The following WDR70 variants were observed in gnomAD, a reference collection of about 807,000 sequenced individuals.
The protein encoded by WDR70 is WD repeat domain 70, also known as WD repeat-containing protein 70.
A neutral mutation model predicts 88.6 loss-of-function variants in WDR70; 53 were observed. That is an observed-to-expected ratio of 0.60 (90% CI 0.48 to 0.75). WDR70 has a LOEUF of 0.75. Ranked by LOEUF, WDR70 falls within the 30% of genes least tolerant of loss-of-function variation. WDR70 has a pLI of 0.00. For missense variants in WDR70, 610 were observed against 823.2 expected (o/e 0.74, Z 3.17); for synonymous variants, 280 against 270.0 (o/e 1.04, Z -0.36).
At chr5:37,596,716 A>G (rs962651336) in intron 9 of WDR70, among the ~76,000 whole-genome samples, 1 of 152,228 alleles carries the variant, frequency 6.6e-6, no homozygotes, top group African/African-American at 2.4e-5. Flanking sequence ...TCACATATAT[A>G]TGTATATTGC....
intron 10 of WDR70, among the ~76,000 whole-genome samples, chr5:37,676,735 G>T (rs2112606205): frequency 6.6e-6 from 1 of 151,646 alleles, no homozygotes; most frequent in South Asian, 2.1e-4. Flanking sequence ...GTATCAGGAT[G>T]ATGCTGGCCT....
chr5:37,548,653 T>A (rs1440507101), intron 9 of WDR70, among the ~76,000 whole-genome samples: 1 of 152,124 alleles, frequency 6.6e-6, no homozygotes, highest in Non-Finnish European at 1.5e-5. Context: ...TTGATATGAT[T>A]CCATTTCTTC....
At chr5:37,476,555 C>CTT (rs70978822) in intron 7 of WDR70, among the ~76,000 whole-genome samples, 89 of 147,776 alleles carry the variant, frequency 6.0e-4, no homozygotes, top group East Asian at 9.9e-4. Context: ...TTTTCTTCTT[C>CTT]TTTTTTTTTT....
intron 9 of WDR70, among the ~76,000 whole-genome samples, chr5:37,567,222 C>T (rs1049416432): frequency 3.9e-5 from 6 of 152,268 alleles, no homozygotes; most frequent in African/African-American, 1.4e-4. Context: ...ACATAGTCAT[C>T]ACACCACAAC....
chr5:37,531,986 A>C (rs1375459202), intron 9 of WDR70, among the ~76,000 whole-genome samples: 1 of 152,250 alleles, frequency 6.6e-6, no homozygotes. Context: ...TTTTTTATCT[A>C]GAAAAGACTG....
chr5:37,450,626 A>C (rs1738646151), intron 7 of WDR70, among the ~76,000 whole-genome samples: 1 of 152,168 alleles, frequency 6.6e-6, no homozygotes, highest in Non-Finnish European at 1.5e-5. Context: ...AGAATTGTTA[A>C]TTGTACCTGT....
intron 7 of WDR70, among the ~76,000 whole-genome samples, chr5:37,446,163 A>G (rs974223848): frequency 2.0e-5 from 3 of 152,202 alleles, no homozygotes; most frequent in South Asian, 4.1e-4. Flanking sequence ...ACAGAGAACC[A>G]AATCACGAGT....
At chr5:37,385,882 C>T (rs796285643) in intron 3 of WDR70, among the ~76,000 whole-genome samples, 2 of 152,168 alleles carry the variant, frequency 1.3e-5, no homozygotes, top group African/African-American at 4.8e-5. Flanking sequence ...CGACTCACTG[C>T]AAGCTCCGCC....
chr5:37,440,796 ATCTT>A (rs1414076933), intron 6 of WDR70, among the ~76,000 whole-genome samples: 3 of 152,206 alleles, frequency 2.0e-5, no homozygotes, highest in Admixed American at 2.0e-4. Flanking sequence ...TTAATTTGTC[ATCTT>A]TCTTCTTAGG....
chr5:37,730,299 C>G (rs1561095275), intron 17 of WDR70, among the ~76,000 whole-genome samples: 1 of 151,990 alleles, frequency 6.6e-6, no homozygotes, highest in Non-Finnish European at 1.5e-5. Flanking sequence ...ATGTCAGCAA[C>G]TTTTTTTGTT....
intron 7 of WDR70, among the ~76,000 whole-genome samples, chr5:37,446,305 G>T (rs539453576): frequency 6.6e-6 from 1 of 152,260 alleles, no homozygotes; most frequent in African/African-American, 2.4e-5. Context: ...CAAAGAAATG[G>T]AAGAACATTC....
intron 10 of WDR70, among the ~76,000 whole-genome samples, chr5:37,607,916 G>A (rs1744076718): frequency 6.6e-6 from 1 of 152,164 alleles, no homozygotes; most frequent in South Asian, 2.1e-4. Flanking sequence ...GCAACAGCAA[G>A]GCATCTATTG....
chr5:37,583,482 C>A lies in WDR70; in HGVS notation c.918-21582C>A, dbSNP rs1036418357. ...GAGGGAAACATGCCTGGCTTATGAACAAATGTGTCACAGATATGGGGGGAG... is the reference window on the plus strand; with the variant it reads ...GAGGGAAACATGCCTGGCTTATGAAAAAATGTGTCACAGATATGGGGGGAG... On this transcript the variant is annotated intron_variant, in intron 9 of 17. Coordinates refer to ENST00000265107, the MANE Select transcript of WDR70 (RefSeq NM_018034.4). 2.0e-5 allele frequency among the ~76,000 whole-genome samples: 3 copies of A among 149,954 alleles called. 1 individual carries two copies. Among genetic ancestry groups the A allele is most frequent in the Non-Finnish European group, 4.4e-5 (3 of 67,660 alleles).
intron 10 of WDR70, among the ~76,000 whole-genome samples, chr5:37,692,647 C>T (rs1746836291): frequency 6.6e-6 from 1 of 152,110 alleles, no homozygotes; most frequent in Non-Finnish European, 1.5e-5. Flanking sequence ...CAGAAAAGGT[C>T]TTCAACAAAA....
chr5:37,520,850 C>T (rs1210701263), intron 9 of WDR70, among the ~76,000 whole-genome samples: 2 of 152,128 alleles, frequency 1.3e-5, no homozygotes, highest in Admixed American at 1.3e-4. Flanking sequence ...AAGCTACTTG[C>T]GTTTAAATAG....
chr5:37,568,669 T>A (rs1742814468), intron 9 of WDR70, among the ~76,000 whole-genome samples: 1 of 152,230 alleles, frequency 6.6e-6, no homozygotes, highest in Non-Finnish European at 1.5e-5. Flanking sequence ...ATATCTTATA[T>A]GGAATTGTAC....
chr5:37,717,658 A>G (rs1747689089), intron 13 of WDR70, among the ~76,000 whole-genome samples: 1 of 152,174 alleles, frequency 6.6e-6, no homozygotes, highest in Non-Finnish European at 1.5e-5. Context: ...ATTGTTGTTA[A>G]GCAAAGCCGG....
rs565462728 is a variant in WDR70, at chr5:37,484,567, G to A, written c.840+4580G>A. ...GTGGAAAGAGAGGGAGAGGGAGACCGTGGGGAGAGGGAGAGGGAGAGGGAG... is the reference window on the plus strand; with the variant it reads ...GTGGAAAGAGAGGGAGAGGGAGACCATGGGGAGAGGGAGAGGGAGAGGGAG... On this transcript the variant is annotated intron_variant, in intron 8 of 17. Transcript: ENST00000265107. Among the ~76,000 whole-genome samples, 352 of 152,136 alleles carry A rather than the reference G, an allele frequency of 2.3e-3. 2 individuals carry two copies. The highest frequency in any genetic ancestry group is 8.2e-3 in the African/African-American group (339 of 41,524).
chr5:37,591,639 A>T (rs1280353721), intron 9 of WDR70, among the ~76,000 whole-genome samples: 1 of 152,108 alleles, frequency 6.6e-6, no homozygotes, highest in Non-Finnish European at 1.5e-5. Context: ...TTCTATACAA[A>T]CTCTTCCAGA....
Sources: allele counts gnomAD v4.1 joint callset (sites outside exome capture counted in the v4.1 genomes callset), GRCh38; gene constraint gnomAD v4.1.1; transcripts MANE v1.5; gene names NCBI Gene and HGNC (gene_info 2026-07-23, HGNC 2026-07-21).